The following NLK variants were observed in gnomAD, a reference collection of about 807,000 sequenced individuals.
The protein encoded by NLK is nemo like kinase, also known as serine/threonine-protein kinase NLK.
A neutral mutation model predicts 59.0 loss-of-function variants in NLK; 11 were observed. That is an observed-to-expected ratio of 0.19 (90% CI 0.12 to 0.31). The LOEUF (loss-of-function observed/expected upper bound fraction) is 0.31, where lower values mean the gene tolerates loss of function less well. NLK is among the 10% of genes least tolerant of loss of function. The pLI is 1.00. For missense variants in NLK, 410 were observed against 661.1 expected, an observed-to-expected ratio of 0.62 and a Z score of 4.16; for synonymous variants, 235 against 235.9, an observed-to-expected ratio of 1.00 and a Z score of 0.03.
At chr17:28,190,433 C>T (rs1260626844) in intron 8 of NLK, among the ~76,000 whole-genome samples, 2 of 152,026 alleles carry the variant, frequency 1.3e-5, no homozygotes, top group African/African-American at 4.8e-5. Flanking sequence ...CCCATCTCTA[C>T]AAAAAATTTA....
chr17:28,122,460 T>G (rs1906107440), intron 1 of NLK, 143 bp from the exon 2 acceptor site: 1 of 782,908 alleles, frequency 1.3e-6, no homozygotes. Context: ...TCTTTCTCAC[T>G]GACACCTTAA....
chr17:28,093,590 G>A (rs1904590231), intron 1 of NLK, among the ~76,000 whole-genome samples: 1 of 152,216 alleles, frequency 6.6e-6, no homozygotes, highest in South Asian at 2.1e-4. Context: ...GTCTGGTATA[G>A]TGAAAAGAAC....
intron 7 of NLK, among the ~76,000 whole-genome samples, chr17:28,179,438 G>T (rs1908810123): frequency 1.3e-5 from 2 of 151,924 alleles, no homozygotes; most frequent in Non-Finnish European, 2.9e-5. Flanking sequence ...TTTTAAGAGA[G>T]AGGGTCTCCC....
chr17:28,126,101 T>G (rs538529376), intron 2 of NLK, among the ~76,000 whole-genome samples: 1 of 152,332 alleles, frequency 6.6e-6, no homozygotes, highest in South Asian at 2.1e-4. Context: ...TGTCTTTACC[T>G]TCAAATAGTT....
Position 28,176,928 on chromosome 17 carries a change from AC to A in NLK, c.1149+4315del, listed in dbSNP as rs780560285. Among the ~76,000 whole-genome samples the A allele has an allele frequency of 2.0e-5, 3 of 152,284 alleles. No individual in the cohort carries two copies. The East Asian group carries it at 5.8e-4, about 29-fold the overall frequency. ...CTGGGGTGCCAACTCCACCCCCCTA[AC>A]CCCCTGCCTACAGTTGAAAATCCAT... is the stretch of plus-strand genomic sequence containing the variant. On this transcript the variant is annotated intron_variant, in intron 7 of 10. Transcript: ENST00000407008.
chr17:28,046,672 C>T (rs1909066304), intron 1 of NLK, among the ~76,000 whole-genome samples: 1 of 152,168 alleles, frequency 6.6e-6, no homozygotes, highest in South Asian at 2.1e-4. Flanking sequence ...GATGTAACAA[C>T]TTTGGGACAA....
intron 3 of NLK, among the ~76,000 whole-genome samples, chr17:28,157,118 G>T (rs891640095): frequency 1.3e-5 from 2 of 151,982 alleles, no homozygotes; most frequent in Non-Finnish European, 2.9e-5. Flanking sequence ...CCAGGCTCAA[G>T]TGATCCTCCC....
chr17:28,179,967 C>T (rs1482899461), intron 7 of NLK, among the ~76,000 whole-genome samples: 1 of 135,302 alleles, frequency 7.4e-6, no homozygotes, highest in Non-Finnish European at 1.5e-5. Context: ...ATATCGTGGT[C>T]CAAATGGTTT....
intron 1 of NLK, among the ~76,000 whole-genome samples, chr17:28,060,312 G>T (rs1909587576): frequency 6.6e-6 from 1 of 152,152 alleles, no homozygotes; most frequent in South Asian, 2.1e-4. Context: ...AGACATCTAA[G>T]ATGTGTATTT....
At chr17:28,091,247 T>C (rs1219838424) in intron 1 of NLK, among the ~76,000 whole-genome samples, 1 of 152,086 alleles carries the variant, frequency 6.6e-6, no homozygotes, top group Admixed American at 6.5e-5. Context: ...GCTACAGTCA[T>C]ATGTATCAAA....
At chr17:28,109,343 A>C (rs1465160643) in intron 1 of NLK, among the ~76,000 whole-genome samples, 1 of 152,224 alleles carries the variant, frequency 6.6e-6, no homozygotes, top group Non-Finnish European at 1.5e-5. Flanking sequence ...TAAACAGTTG[A>C]TATTCTATGG....
chr17:28,166,434 T>TG (rs978662513), intron 5 of NLK, among the ~76,000 whole-genome samples: 101 of 152,094 alleles, frequency 6.6e-4, no homozygotes, highest in African/African-American at 2.4e-3. Context: ...TGCCAAAAAT[T>TG]GGGGGATAAA....
intron 5 of NLK, among the ~76,000 whole-genome samples, chr17:28,165,247 T>A (rs958628788): frequency 1.3e-5 from 2 of 152,242 alleles, no homozygotes; most frequent in African/African-American, 4.8e-5. Context: ...TACGACAGTT[T>A]AAGCCAATTT....
chr17:28,126,100 C>T (rs768257783), intron 2 of NLK, among the ~76,000 whole-genome samples: 2 of 152,176 alleles, frequency 1.3e-5, no homozygotes, highest in African/African-American at 2.4e-5. Flanking sequence ...TTGTCTTTAC[C>T]TTCAAATAGT....
chr17:28,118,814 G>C (rs924142734), intron 1 of NLK, among the ~76,000 whole-genome samples: 1 of 152,138 alleles, frequency 6.6e-6, no homozygotes, highest in South Asian at 2.1e-4. Context: ...GTGTAAGTGA[G>C]GATTCTTTCT....
chr17:28,043,098 C>G lies in NLK; in HGVS notation c.225C>G (p.Ala75=). 1 of 1,583,700 alleles carries G rather than the reference C, an allele frequency of 6.3e-7. No homozygotes were observed. Among genetic ancestry groups the G allele is most frequent in the Non-Finnish European group, 8.6e-7 (1 of 1,164,926 alleles). The change falls in exon 1 of 11, where the codon GCC becomes GCG. Residue 75 remains alanine, a synonymous_variant. Transcript: ENST00000407008. ...QQHTSSAAAA[A]AAAAAAAAML... is the part of the protein sequence containing the mutation. ...ACACCTCTTCGGCAGCTGCGGCAGC[C>G]GCAGCAGCGGCTGCAGCTGCAGCCA...
chr17:28,137,593 A>G (rs770286811), intron 3 of NLK, among the ~76,000 whole-genome samples: 3 of 152,118 alleles, frequency 2.0e-5, no homozygotes, highest in Non-Finnish European at 4.4e-5. Flanking sequence ...GTGCATTTTG[A>G]TGTAATCAGA....
intron 1 of NLK, among the ~76,000 whole-genome samples, chr17:28,062,822 C>G (rs934829200): frequency 6.6e-6 from 1 of 152,194 alleles, no homozygotes; most frequent in Admixed American, 6.5e-5. Flanking sequence ...CTGAAGTGAT[C>G]CACCCACCTC....
At chr17:28,110,654 T>A (rs1905425338) in intron 1 of NLK, among the ~76,000 whole-genome samples, 2 of 152,154 alleles carry the variant, frequency 1.3e-5, no homozygotes, top group Non-Finnish European at 2.9e-5. Flanking sequence ...TGTTACTGCA[T>A]AGGTCTCTGA....
Sources: allele counts gnomAD v4.1 joint callset (sites outside exome capture counted in the v4.1 genomes callset), GRCh38; gene constraint gnomAD v4.1.1; transcripts MANE v1.5; gene names NCBI Gene and HGNC (gene_info 2026-07-23, HGNC 2026-07-21).